Variants in DSCAM observed in about 807,000 individuals in gnomAD.
DSCAM encodes cell adhesion molecule DSCAM.
Under a neutral mutation model 217.7 loss-of-function variants are expected in DSCAM, and 47 were observed. The observed-to-expected ratio is 0.22, with a 90% CI of 0.17 to 0.28. The LOEUF (loss-of-function observed/expected upper bound fraction) is 0.28, where lower values mean the gene tolerates loss of function less well. DSCAM is among the 10% of genes least tolerant of loss of function. DSCAM has a pLI of 1.00. For missense variants in DSCAM, 2,080 were observed against 2,618.3 expected (o/e 0.79, Z 4.49); for synonymous variants, 1,056 against 1,015.3 (o/e 1.04, Z -0.76).
chr21:40,689,399 C>T (rs965635750), intron 3 of DSCAM, among the ~76,000 whole-genome samples: 1 of 152,212 alleles, frequency 6.6e-6, no homozygotes, highest in African/African-American at 2.4e-5. Flanking sequence ...ATCCCCCAGG[C>T]TGACAGGTCA....
intron 11 of DSCAM, among the ~76,000 whole-genome samples, chr21:40,216,684 T>G (rs1194449289): frequency 6.6e-6 from 1 of 152,188 alleles, no homozygotes; most frequent in African/African-American, 2.4e-5. Flanking sequence ...ATAGAGCAGA[T>G]TTTGCACCTG....
intron 3 of DSCAM, among the ~76,000 whole-genome samples, chr21:40,468,896 G>A (rs1018324798): frequency 6.6e-5 from 10 of 152,078 alleles, no homozygotes; most frequent in South Asian, 2.1e-4. Context: ...AAATTCCAGC[G>A]GGAGAGAAAG....
At chr21:40,608,717 CAT>C (rs2089274957) in intron 3 of DSCAM, among the ~76,000 whole-genome samples, 1 of 152,104 alleles carries the variant, frequency 6.6e-6, no homozygotes, top group South Asian at 2.1e-4. Flanking sequence ...ATTTGGGAAA[CAT>C]TGATTCATTT....
chr21:40,133,115 G>A (rs1362065707), intron 19 of DSCAM, among the ~76,000 whole-genome samples: 1 of 152,204 alleles, frequency 6.6e-6, no homozygotes, highest in South Asian at 2.1e-4. Context: ...CTTTATTAAG[G>A]TGGAGGCTAC....
chr21:40,202,729 C>T (rs574792596), intron 11 of DSCAM, among the ~76,000 whole-genome samples: 2 of 152,358 alleles, frequency 1.3e-5, no homozygotes, highest in East Asian at 3.9e-4. Context: ...TTCACCTTTT[C>T]CTTGAAACCA....
intron 22 of DSCAM, among the ~76,000 whole-genome samples, chr21:40,086,685 A>G (rs558335215): frequency 6.6e-6 from 1 of 152,334 alleles, no homozygotes; most frequent in African/African-American, 2.4e-5. Context: ...TATTATTTAA[A>G]TAATTACTAT....
At chr21:40,402,279 C>G (rs2075243086) in intron 3 of DSCAM, among the ~76,000 whole-genome samples, 1 of 150,056 alleles carries the variant, frequency 6.7e-6, no homozygotes, top group Admixed American at 6.8e-5. Context: ...CTGTGTTAGC[C>G]AGGATGGTCT....
intron 3 of DSCAM, among the ~76,000 whole-genome samples, chr21:40,376,410 C>G (rs947116874): frequency 4.9e-5 from 7 of 143,400 alleles, no homozygotes; most frequent in Non-Finnish European, 9.1e-5. Context: ...ATATCTATAT[C>G]ATATATATCT....
rs1459878304 is a variant in DSCAM, at chr21:40,184,026, G to C, written c.2779+3105C>G. On this transcript the variant is annotated intron_variant, in intron 14 of 32. Coordinates refer to ENST00000400454, the MANE Select transcript of DSCAM (RefSeq NM_001389.5). Reference sequence around the variant, plus strand: ...CCTCAGGGCTCACTATGGCCCATAGGGGGACAACTGTTCAGTGGGGTGCAG... The same window carrying C: ...CCTCAGGGCTCACTATGGCCCATAGCGGGACAACTGTTCAGTGGGGTGCAG... 2.6e-5 allele frequency among the ~76,000 whole-genome samples: 4 copies of C among 152,144 alleles called. No homozygotes were observed. In the South Asian group the frequency reaches 8.3e-4, roughly 32 times the overall value.
intron 3 of DSCAM, chr21:40,383,340 AAAAAG>A (rs747797160): frequency 3.1e-4 from 48 of 152,498 alleles, no homozygotes; most frequent in South Asian, 2.5e-3. Flanking sequence ...AAAAAAAGAA[AAAAAG>A]AAAAGAAAAG....
At chr21:40,197,866 T>C (rs181024110) in intron 11 of DSCAM, among the ~76,000 whole-genome samples, 1 of 152,322 alleles carries the variant, frequency 6.6e-6, no homozygotes, top group Admixed American at 6.5e-5. Flanking sequence ...AACTAGTAAA[T>C]GGAAGATCTA....
chr21:40,238,939 G>A (rs530509446), intron 11 of DSCAM, among the ~76,000 whole-genome samples: 51 of 152,224 alleles, frequency 3.4e-4, no homozygotes, highest in African/African-American at 1.1e-3. Flanking sequence ...GAGAGGCAGC[G>A]TCAATGCCAC....
At chr21:40,366,124 C>A (rs1390702067) in intron 4 of DSCAM, among the ~76,000 whole-genome samples, 1 of 151,960 alleles carries the variant, frequency 6.6e-6, no homozygotes, top group East Asian at 1.9e-4. Flanking sequence ...GCATGTTGAC[C>A]ATTCTGGGTC....
chr21:40,055,229 T>C (rs1460231205), intron 29 of DSCAM, among the ~76,000 whole-genome samples: 3 of 152,166 alleles, frequency 2.0e-5, no homozygotes, highest in Non-Finnish European at 4.4e-5. Context: ...TCTGGGGCAC[T>C]GGTGTGGGGG....
intron 18 of DSCAM, among the ~76,000 whole-genome samples, chr21:40,140,727 G>C (rs1252291850): frequency 6.6e-6 from 1 of 152,230 alleles, no homozygotes; most frequent in Non-Finnish European, 1.5e-5. Flanking sequence ...AGGTGGGAGG[G>C]GTGAAGGTGT....
chr21:40,124,069 G>C (rs1228650813), intron 20 of DSCAM, 126 bp downstream of exon 20: 2 of 1,329,280 alleles, frequency 1.5e-6, no homozygotes, highest in African/African-American at 2.9e-5. Flanking sequence ...AGACAGCAGG[G>C]GCAAAACAAA....
chr21:40,626,788 C>G (rs1479018839), intron 3 of DSCAM, among the ~76,000 whole-genome samples: 1 of 152,174 alleles, frequency 6.6e-6, no homozygotes, highest in Admixed American at 6.5e-5. Flanking sequence ...AAGCATCAAT[C>G]ACATAGTGGA....
intron 11 of DSCAM, among the ~76,000 whole-genome samples, chr21:40,237,728 C>T (rs936400973): frequency 6.6e-6 from 1 of 152,080 alleles, no homozygotes; most frequent in Admixed American, 6.6e-5. Context: ...GGGTATGTAC[C>T]TAGTAATGGG....
chr21:40,407,502 T>C (rs888073167), intron 3 of DSCAM, among the ~76,000 whole-genome samples: 3 of 152,128 alleles, frequency 2.0e-5, no homozygotes, highest in Non-Finnish European at 2.9e-5. Context: ...AGGTGACCCT[T>C]TGGAGGTCTT....
Sources: gnomAD v4.1 joint callset for allele counts (sites outside exome capture counted in the v4.1 genomes callset) on GRCh38, gnomAD v4.1.1 for gene constraint, MANE v1.5 for transcripts, NCBI Gene and HGNC (gene_info 2026-07-23, HGNC 2026-07-21) for gene names.